RIOX1: variants seen among roughly 807,000 people sequenced by gnomAD.
RIOX1 encodes the protein ribosomal oxygenase 1.
RIOX1 carries 33 observed loss-of-function variants against 44.6 expected under a neutral mutation model. That is an observed-to-expected ratio of 0.74 (90% CI 0.56 to 0.99). The LOEUF (loss-of-function observed/expected upper bound fraction) is 0.99. Among genes scored for constraint, RIOX1 ranks in the 50% least tolerant of loss-of-function variants. RIOX1 has a pLI of 0.00. For synonymous variants in RIOX1, 387 were observed against 395.8 expected (o/e 0.98, Z 0.26); for missense variants, 821 against 871.7 (o/e 0.94, Z 0.73).
Position 73,492,941 on chromosome 14 carries a change from T to G in RIOX1, c.1924T>G (p.Ter642GluextTer26), listed in dbSNP as rs966105250. The change falls in exon 1 of 1, where the codon TAG becomes GAG. Residue 642 changes from the stop codon to glutamate (E), a stop_lost. Transcript: ENST00000304061. This position sits in a 1 kb window ranked among gnomAD's most constrained non-coding sequence, Gnocchi z 4.9. ...CACTAAGATGCCTCTAGCCCTAAAT[T>G]AGTTTCTTGTTGATTGCTGGAAACA... ...LLTKMPLALN[*>E] 6.2e-7 allele frequency: 1 copy of G among 1,612,000 alleles called. No individual in the cohort carries two copies.
At position 73,491,846 on chromosome 14, in the gene RIOX1, C is replaced by G. The variant is rs1273562565; in HGVS notation, c.829C>G (p.Pro277Ala). ...YINGRRETLN[P>A]PGRALPAAAW... ...CAACGGACGACGCGAGACCCTGAAC[C>G]CACCCGGCCGCGCGCTGCCCGCCGC... Residue 277 changes from proline (P) to alanine (A), a missense_variant, in exon 1 of 1, where the codon CCA (proline) becomes GCA (alanine). By Grantham distance (27) the Pro-to-Ala change is conservative (BLOSUM62 -1). Coordinates refer to ENST00000304061, the MANE Select transcript of RIOX1 (RefSeq NM_024644.5). The G allele has an allele frequency of 6.2e-7, 1 of 1,609,482 alleles. No individual in the cohort carries two copies. The highest frequency in any genetic ancestry group is 1.7e-4 in the Middle Eastern group (1 of 6,052).
Position 73,491,172 on chromosome 14 carries a change from C to A in RIOX1, c.155C>A (p.Ala52Glu). Residue 52 changes from alanine (A) to glutamate (E), a missense_variant, in exon 1 of 1, where the codon GCG becomes GAG. Ala to Glu is a moderately radical substitution (Grantham distance 107). This residue lies in a region of RIOX1 where 554 missense variants were observed against 531.2 expected (regional missense o/e 1.04). Coordinates refer to ENST00000304061, the MANE Select transcript of RIOX1 (RefSeq NM_024644.5). ...CGAAGTGTTGTATCCCGCATGGCAGCGCTGAGGACGCAGACGCTGCCTAGC... is the reference window on the plus strand; with the variant it reads ...CGAAGTGTTGTATCCCGCATGGCAGAGCTGAGGACGCAGACGCTGCCTAGC... Reference protein sequence around the residue: ...QLRSVVSRMAALRTQTLPSEN... With the variant: ...QLRSVVSRMAELRTQTLPSEN... 1 of 1,601,774 alleles carries A rather than the reference C, an allele frequency of 6.2e-7. No homozygotes were observed.
Position 73,491,608 on chromosome 14 carries a change from C to G in RIOX1, c.591C>G (p.Ser197Arg). ...TGGCCGAGCTGAACCGCATCCCCAGCAGCCGGCGGCGAGCGGCCCGCCTCT... is the reference window on the plus strand; with the variant it reads ...TGGCCGAGCTGAACCGCATCCCCAGGAGCCGGCGGCGAGCGGCCCGCCTCT... ...RVLAELNRIP[S>R]SRRRAARLFE... The change falls in exon 1 of 1, where the codon AGC becomes AGG. Residue 197 changes from serine to arginine, a missense_variant. Around this residue, in one of 2 missense-constraint regions of RIOX1, gnomAD observed 554 missense variants for 531.2 expected, o/e 1.04. Coordinates refer to ENST00000304061, the MANE Select transcript of RIOX1 (RefSeq NM_024644.5). 1 of 1,547,104 alleles carries G rather than the reference C, an allele frequency of 6.5e-7. No homozygotes were observed. Among genetic ancestry groups the G allele is most frequent in the Non-Finnish European group, 8.7e-7 (1 of 1,146,376 alleles).
chr14:73,493,220 G>T lies in RIOX1; in HGVS notation c.*277G>T. ...CCAACTTCATCACCTTCAGGCTTCA[G>T]TGTACTGGGTAACACTGACCATGTC... is the stretch of plus-strand genomic sequence containing the variant. On this transcript the variant is annotated 3_prime_UTR_variant, in exon 1 of 1. Transcript: ENST00000304061. The T allele has an allele frequency of 1.0e-6, 1 of 980,028 alleles. No homozygotes were observed. 60.7% of individuals were successfully genotyped at this position (980,028 alleles called of 1,614,324 possible).
Position 73,491,545 on chromosome 14 carries a change from TG to T in RIOX1, c.532del (p.Glu178SerfsTer15). ...ASGPQVDNTG[G>X]EPAWDSPLRR... is the part of the protein sequence containing the mutation. ...CGGGGCCGCAGGTGGATAACACGGG[TG>T]GGGAGCCGGCCTGGGACTCCCCGCT... On this transcript the variant is annotated frameshift_variant, in exon 1 of 1. Transcript: ENST00000304061. LOFTEE classifies it high-confidence loss of function. The T allele has an allele frequency of 1.3e-6, 2 of 1,533,464 alleles. No individual in the cohort carries two copies. Among genetic ancestry groups the T allele is most frequent in the South Asian group, 1.2e-5 (1 of 82,902 alleles). The allele number at this position is 1,533,464 out of a possible 1,614,324, so 95.0% of individuals were successfully genotyped here.
rs1046785297 is a variant in RIOX1, at chr14:73,491,266, G to A, written c.249G>A (p.Ala83=). 1 of 1,570,876 alleles carries A rather than the reference G, an allele frequency of 6.4e-7. No homozygotes were observed. Among genetic ancestry groups the A allele is most frequent in the Non-Finnish European group, 8.6e-7 (1 of 1,157,966 alleles). ...DDLGDALPGG[A]AVAAVPDAAR... is the part of the protein sequence containing the mutation. ...TGGGGGACGCGCTACCCGGTGGGGC[G>A]GCGGTGGCGGCCGTCCCGGACGCAG... Residue 83 remains alanine (A), a synonymous_variant, in exon 1 of 1, where the codon GCG becomes GCA. Coordinates refer to ENST00000304061, the MANE Select transcript of RIOX1 (RefSeq NM_024644.5).
chr14:73,491,688 A>G lies in RIOX1; in HGVS notation c.671A>G (p.Glu224Gly). Residue 224 changes from glutamate (E) to glycine (G), a missense_variant, in exon 1 of 1, where the codon GAG (glutamate) becomes GGG (glycine). Glu to Gly is a moderately conservative substitution (Grantham distance 98, BLOSUM62 -2). Coordinates refer to ENST00000304061, the MANE Select transcript of RIOX1 (RefSeq NM_024644.5). ...PPDHFYRRLW[E>G]REAVLVRRQD... ...GATCACTTTTACCGGCGCCTATGGG[A>G]GCGCGAGGCGGTGCTGGTGCGGCGG... 1.3e-6 allele frequency: 2 copies of G among 1,549,684 alleles called. No homozygotes were observed. Among genetic ancestry groups the G allele is most frequent in the Non-Finnish European group, 1.7e-6 (2 of 1,146,610 alleles).
In RIOX1 at chr14:73,491,899, C is replaced by T; in HGVS notation, c.882C>T (p.Cys294=). 1 of 1,612,034 alleles carries T rather than the reference C, an allele frequency of 6.2e-7. No homozygotes were observed. The highest frequency in any genetic ancestry group is 8.5e-7 in the Non-Finnish European group (1 of 1,179,282). Reference sequence around the variant, plus strand: ...CGTGGTCCCTGTACCAGGCCGGCTGCTCCCTGCGTCTCCTCTGTCCGCAGG... The same window carrying T: ...CGTGGTCCCTGTACCAGGCCGGCTGTTCCCTGCGTCTCCTCTGTCCGCAGG... ...AAAWSLYQAG[C]SLRLLCPQAF... Residue 294 remains cysteine, a synonymous_variant, in exon 1 of 1, where the codon TGC becomes TGT. Coordinates refer to ENST00000304061, the MANE Select transcript of RIOX1 (RefSeq NM_024644.5).
At position 73,491,092 on chromosome 14, in the gene RIOX1, C is replaced by T. The variant is rs1885689005; in HGVS notation, c.75C>T (p.His25=). 2 of 1,600,730 alleles carry T rather than the reference C, an allele frequency of 1.2e-6. No individual in the cohort carries two copies. Among genetic ancestry groups the T allele is most frequent in the Admixed American group, 1.7e-5 (1 of 58,344 alleles). Residue 25 remains histidine (H), a synonymous_variant, in exon 1 of 1, where the codon CAC becomes CAT. Transcript: ENST00000304061. ...AGCGCCGGCGCAAGCCCCAGCCACACAGCGGGTCGGTCCTGGCCCTGCCCT... is the reference window on the plus strand; with the variant it reads ...AGCGCCGGCGCAAGCCCCAGCCACATAGCGGGTCGGTCCTGGCCCTGCCCT... ...RPKRRRKPQP[H]SGSVLALPLR...
rs752076582 is a variant in RIOX1, at chr14:73,493,157, TG to T, written c.*216del. On this transcript the variant is annotated 3_prime_UTR_variant, in exon 1 of 1. Transcript: ENST00000304061. ...CAAAAGGAAAAGGAGAAGTTGGAGG[TG>T]GAAAAAAAACCCTTGATCCGTGATC... 5.3e-5 allele frequency: 84 copies of T among 1,584,700 alleles called. No individual in the cohort carries two copies. Among genetic ancestry groups the T allele is most frequent in the Non-Finnish European group, 7.0e-5 (81 of 1,156,986 alleles).
chr14:73,492,527 G>T lies in RIOX1; in HGVS notation c.1510G>T (p.Asp504Tyr). The T allele has an allele frequency of 6.2e-7, 1 of 1,613,760 alleles. No individual in the cohort carries two copies. Among genetic ancestry groups the T allele is most frequent in the Non-Finnish European group, 8.5e-7 (1 of 1,179,788 alleles). The change falls in exon 1 of 1, where the codon GAC becomes TAC. Residue 504 changes from aspartate to tyrosine, a missense_variant. Asp to Tyr is a radical substitution (Grantham distance 160). Around this residue, in one of 2 missense-constraint regions of RIOX1, gnomAD observed 267 missense variants for 340.5 expected, o/e 0.78. Transcript: ENST00000304061. The surrounding 1 kb of genome is among the most constrained non-coding windows in gnomAD (Gnocchi z 4.9). ...VDAVADQRAK[D>Y]FIHDSLPPVL... ...TGCTGTGGCCGACCAGCGAGCCAAA[G>T]ACTTCATTCACGATTCTCTGCCCCC...
At position 73,491,644 on chromosome 14, in the gene RIOX1, C is replaced by T. The variant is rs755155911; in HGVS notation, c.627C>T (p.Leu209=). 6.5e-6 allele frequency: 10 copies of T among 1,549,768 alleles called. No individual in the cohort carries two copies. The East Asian group carries it at 2.2e-4, about 34-fold the overall frequency. The change falls in exon 1 of 1, where the codon CTC becomes CTT. Residue 209 remains leucine (L), a synonymous_variant. Transcript: ENST00000304061. The part of the protein sequence containing the change: ...RRRAARLFEW[L]IAPMPPDHFY... ...GAGCGGCCCGCCTCTTTGAGTGGCT[C>T]ATCGCGCCCATGCCGCCAGATCACT... is the stretch of plus-strand genomic sequence containing the variant.
chr14:73,492,417 C>A lies in RIOX1; in HGVS notation c.1400C>A (p.Ser467Ter). 6.2e-7 allele frequency: 1 copy of A among 1,613,808 alleles called. No homozygotes were observed. The highest frequency in any genetic ancestry group is 1.3e-5 in the African/African-American group (1 of 75,040). The change falls in exon 1 of 1, where the codon TCA (serine) becomes TAA (stop). Residue 467 changes from serine to a stop codon, truncating the protein, a stop_gained. Transcript: ENST00000304061. LOFTEE classifies it high-confidence loss of function. The surrounding 1 kb of genome is among the most constrained non-coding windows in gnomAD (Gnocchi z 4.9). ...ATGGATTACATGGGGGCCCAGCATT[C>A]AGATTCTAAGGATCCGCGAAGAACC... Reference protein sequence around the residue: ...DFMDYMGAQHSDSKDPRRTAF... With the variant: ...DFMDYMGAQH
chr14:73,491,838 C>A lies in RIOX1; in HGVS notation c.821C>A (p.Thr274Asn), dbSNP rs776243646. The change falls in exon 1 of 1, where the codon ACC becomes AAC. Residue 274 changes from threonine (T) to asparagine (N), a missense_variant. Physicochemically the swap from Thr to Asn is moderately conservative, Grantham distance 65 (BLOSUM62 0). This residue lies in a region of RIOX1 where 554 missense variants were observed against 531.2 expected (regional missense o/e 1.04). Coordinates refer to ENST00000304061, the MANE Select transcript of RIOX1 (RefSeq NM_024644.5). ...CGCTACATCAACGGACGACGCGAGACCCTGAACCCACCCGGCCGCGCGCTG... is the reference window on the plus strand; with the variant it reads ...CGCTACATCAACGGACGACGCGAGAACCTGAACCCACCCGGCCGCGCGCTG... ...AARYINGRRE[T>N]LNPPGRALPA... The A allele has an allele frequency of 6.2e-7, 1 of 1,609,140 alleles. No homozygotes were observed. The highest frequency in any genetic ancestry group is 2.2e-5 in the East Asian group (1 of 44,554).
chr14:73,492,919 T>C lies in RIOX1; in HGVS notation c.1902T>C (p.Thr634=). 6.2e-7 allele frequency: 1 copy of C among 1,613,334 alleles called. No individual in the cohort carries two copies. The highest frequency in any genetic ancestry group is 8.5e-7 in the Non-Finnish European group (1 of 1,179,754). Residue 634 remains threonine, a synonymous_variant, in exon 1 of 1, where the codon ACT becomes ACC. Coordinates refer to ENST00000304061, the MANE Select transcript of RIOX1 (RefSeq NM_024644.5). The surrounding 1 kb of genome is among the most constrained non-coding windows in gnomAD (Gnocchi z 4.9). ...TGTATGATAAGGGGCTGCTGCTCAC[T>C]AAGATGCCTCTAGCCCTAAATTAGT... ...TTLYDKGLLL[T]KMPLALN is the part of the protein sequence containing the mutation.
rs1885854195 is a variant in RIOX1 at position 73,492,662 on chromosome 14, C to T, written c.1645C>T (p.His549Tyr). Residue 549 changes from histidine to tyrosine, a missense_variant, in exon 1 of 1, where the codon CAT becomes TAT. His to Tyr is a moderately conservative substitution (Grantham distance 83). This residue lies in a region of RIOX1 where 267 missense variants were observed against 340.5 expected (regional missense o/e 0.78). Transcript: ENST00000304061. The surrounding 1 kb of genome is among the most constrained non-coding windows in gnomAD (Gnocchi z 4.9). Reference protein sequence around the residue: ...GAQLTTETEVHMLQDGIARLV... With the variant: ...GAQLTTETEVYMLQDGIARLV... ...CCAGTTGACAACAGAAACAGAAGTC[C>T]ATATGCTTCAGGATGGGATAGCTCG... The T allele has an allele frequency of 6.2e-7, 1 of 1,613,834 alleles. No homozygotes were observed. Among genetic ancestry groups the T allele is most frequent in the Non-Finnish European group, 8.5e-7 (1 of 1,179,882 alleles).
rs1483553105 is a variant in RIOX1, at chr14:73,492,449, A to G, written c.1432A>G (p.Met478Val). The G allele has an allele frequency of 1.9e-6, 3 of 1,613,736 alleles. No individual in the cohort carries two copies. Among genetic ancestry groups the G allele is most frequent in the Non-Finnish European group, 1.7e-6 (2 of 1,179,794 alleles). The change falls in exon 1 of 1, where the codon ATG becomes GTG. Residue 478 changes from methionine to valine, a missense_variant. Met to Val is a conservative substitution (Grantham distance 21). Transcript: ENST00000304061. This position sits in a 1 kb window ranked among gnomAD's most constrained non-coding sequence, Gnocchi z 4.9. ...TAAGGATCCGCGAAGAACCGCTTTC[A>G]TGGAGAAGGTGCGGGTCTTGGTTGC... ...DSKDPRRTAF[M>V]EKVRVLVARL...
rs1242851811 is a variant in RIOX1, at chr14:73,491,235, A to G, written c.218A>G (p.Asp73Gly). The change falls in exon 1 of 1, where the codon GAC (aspartate) becomes GGC (glycine). Residue 73 changes from aspartate to glycine, a missense_variant. Transcript: ENST00000304061. ...GAATCGAGGGTGGAGTCGACGGCCG[A>G]CGACCTGGGGGACGCGCTACCCGGT... is the stretch of plus-strand genomic sequence containing the variant. The part of the protein sequence containing the change: ...SEESRVESTA[D>G]DLGDALPGGA... The G allele has an allele frequency of 2.5e-6, 4 of 1,590,288 alleles. No homozygotes were observed. In the Admixed American group the frequency reaches 6.9e-5, roughly 27 times the overall value.
chr14:73,491,222 G>A lies in RIOX1; in HGVS notation c.205G>A (p.Glu69Lys). Residue 69 changes from glutamate to lysine, a missense_variant, in exon 1 of 1, where the codon GAG becomes AAG. Glu to Lys is a moderately conservative substitution (Grantham distance 56). This residue lies in a region of RIOX1 where 554 missense variants were observed against 531.2 expected (regional missense o/e 1.04). Transcript: ENST00000304061. ...PSENSEESRV[E>K]STADDLGDAL... ...CGAGAACTCGGAGGAATCGAGGGTG[G>A]AGTCGACGGCCGACGACCTGGGGGA... 1.9e-6 allele frequency: 3 copies of A among 1,594,306 alleles called. No individual in the cohort carries two copies. Among genetic ancestry groups the A allele is most frequent in the Non-Finnish European group, 2.6e-6 (3 of 1,168,616 alleles).
Sources: gnomAD v4.1 joint callset for allele counts on GRCh38, gnomAD v4.1.1 for gene constraint, gnomAD v4.1.1 regional missense constraint, Gnocchi (gnomAD v3.1) non-coding constraint, MANE v1.5 for transcripts, NCBI Gene and HGNC (gene_info 2026-07-23, HGNC 2026-07-21) for gene names.